PTPRD: variants seen among roughly 807,000 people sequenced by gnomAD.
PTPRD encodes the protein receptor-type tyrosine-protein phosphatase delta.
Under a neutral mutation model 214.5 loss-of-function variants are expected in PTPRD, and 34 were observed. The ratio of observed to expected loss-of-function variants is 0.16; its 90% CI spans 0.12 to 0.21. The LOEUF (loss-of-function observed/expected upper bound fraction) is 0.21, where lower values mean the gene tolerates loss of function less well. Among genes scored for constraint, PTPRD ranks in the 10% least tolerant of loss-of-function variants. PTPRD has a pLI of 1.00. For synonymous variants in PTPRD, 1,128 were observed against 845.7 expected (o/e 1.33, Z -5.79); for missense variants, 2,545 against 2,398.7 (o/e 1.06, Z -1.27).
intron 6 of PTPRD, among the ~76,000 whole-genome samples, chr9:9,743,303 C>A (rs535157332): frequency 6.6e-6 from 1 of 152,238 alleles, no homozygotes; most frequent in South Asian, 2.1e-4. Context: ...ACCAAAATGT[C>A]AAGAGTCTGT....
At chr9:10,534,480 G>A (rs1273984021) in intron 2 of PTPRD, among the ~76,000 whole-genome samples, 1 of 151,954 alleles carries the variant, frequency 6.6e-6, no homozygotes. Context: ...ATAATTGAAG[G>A]CAAAAGCAAT....
chr9:9,951,896 C>T (rs1254759560), intron 4 of PTPRD, among the ~76,000 whole-genome samples: 1 of 152,142 alleles, frequency 6.6e-6, no homozygotes, highest in Non-Finnish European at 1.5e-5. Context: ...TTTATTGATA[C>T]CCATCATTTA....
chr9:10,543,720 A>G (rs553321501), intron 2 of PTPRD, among the ~76,000 whole-genome samples: 2 of 152,236 alleles, frequency 1.3e-5, no homozygotes, highest in Admixed American at 6.5e-5. Flanking sequence ...GCCAAGGGAT[A>G]GAGATGGTTG....
chr9:8,422,163 A>G (rs1400238107), intron 35 of PTPRD, among the ~76,000 whole-genome samples: 1 of 150,950 alleles, frequency 6.6e-6, no homozygotes, highest in Non-Finnish European at 1.5e-5. Context: ...AAAAAAAAAA[A>G]AAAAAAAAAA....
chr9:10,478,661 G>A (rs2099078058), intron 2 of PTPRD, among the ~76,000 whole-genome samples: 2 of 151,802 alleles, frequency 1.3e-5, no homozygotes, highest in Non-Finnish European at 2.9e-5. Context: ...TACAATTTCT[G>A]CTGCTCATTT....
At position 8,525,052 on chromosome 9, in the gene PTPRD, T is replaced by C; in HGVS notation, c.569-17A>G. ...GAAGGGCTCCTGTATGGATATAAAATATATTGCCAAAGAGATGATCAGAGA... is the reference window on the plus strand; with the variant it reads ...GAAGGGCTCCTGTATGGATATAAAACATATTGCCAAAGAGATGATCAGAGA... On this transcript the variant is annotated splice_polypyrimidine_tract_variant and intron_variant, in intron 17 of 45. Transcript: ENST00000381196. 1.9e-6 allele frequency: 3 copies of C among 1,592,804 alleles called. No individual in the cohort carries two copies. The highest frequency in any genetic ancestry group is 2.6e-6 in the Non-Finnish European group (3 of 1,160,810).
intron 8 of PTPRD, among the ~76,000 whole-genome samples, chr9:9,510,318 T>C (rs900387832): frequency 1.8e-4 from 27 of 151,714 alleles, no homozygotes; most frequent in Non-Finnish European, 1.9e-4. Context: ...AGACACACTA[T>C]AAACTTTTAA....
chr9:8,466,781 C>T (rs1282439666), intron 31 of PTPRD, among the ~76,000 whole-genome samples: 2 of 151,722 alleles, frequency 1.3e-5, no homozygotes, highest in African/African-American at 4.8e-5. Context: ...CCTTGATAAA[C>T]AAAATTAAGA....
At chr9:9,919,324 G>T (rs1566312720) in intron 5 of PTPRD, among the ~76,000 whole-genome samples, 1 of 151,992 alleles carries the variant, frequency 6.6e-6, no homozygotes. Context: ...TTGGTGGCTT[G>T]GCCCAAACTT....
chr9:8,572,151 G>A (rs550979015), intron 14 of PTPRD, among the ~76,000 whole-genome samples: 1 of 152,198 alleles, frequency 6.6e-6, no homozygotes, highest in South Asian at 2.1e-4. Context: ...CAAGTTCTGA[G>A]TGTCAGTTAA....
chr9:10,491,955 C>T (rs1055185981), intron 2 of PTPRD, among the ~76,000 whole-genome samples: 2 of 152,136 alleles, frequency 1.3e-5, no homozygotes, highest in South Asian at 2.1e-4. Flanking sequence ...TGAGTGAGAA[C>T]ATGCAGTGTT....
intron 10 of PTPRD, among the ~76,000 whole-genome samples, chr9:9,069,597 C>T (rs2099740802): frequency 6.6e-6 from 1 of 152,190 alleles, no homozygotes; most frequent in African/African-American, 2.4e-5. Context: ...TTGAGGCCTT[C>T]AAGCCAGCAA....
intron 8 of PTPRD, among the ~76,000 whole-genome samples, chr9:9,514,691 T>G (rs1158212221): frequency 6.6e-6 from 1 of 152,072 alleles, no homozygotes; most frequent in Non-Finnish European, 1.5e-5. Flanking sequence ...ACATCCTAAG[T>G]TTAAAAATGA....
rs1261788723 is a variant in PTPRD at position 10,511,850 on chromosome 9, A to ATC, written c.-600+100546_-600+100547dup. On this transcript the variant is annotated intron_variant, in intron 2 of 45. Coordinates refer to ENST00000381196, the MANE Select transcript of PTPRD (RefSeq NM_002839.4). ...TATAAAACCATGGAACCATATACATATCTGTGTGTGTGTGTGTGTGTGTGT... is the reference window on the plus strand; with the variant it reads ...TATAAAACCATGGAACCATATACATATCTCTGTGTGTGTGTGTGTGTGTGTGT... 1.6e-4 allele frequency among the ~76,000 whole-genome samples: 16 copies of ATC among 97,720 alleles called. No individual in the cohort carries two copies. In the South Asian group the frequency reaches 1.8e-3, roughly 11 times the overall value. 64.1% of individuals were successfully genotyped at this position (97,720 alleles called of 152,430 possible). A position where few individuals can be genotyped will look rare whatever the true frequency, so the allele number is the denominator to read the frequency against.
At chr9:10,121,052 C>G (rs2098770947) in intron 3 of PTPRD, among the ~76,000 whole-genome samples, 1 of 151,802 alleles carries the variant, frequency 6.6e-6, no homozygotes, top group South Asian at 2.1e-4. Flanking sequence ...TGGTTTGTAC[C>G]AAAGTAGACA....
intron 10 of PTPRD, among the ~76,000 whole-genome samples, chr9:9,181,084 T>C (rs904457939): frequency 6.6e-6 from 1 of 152,102 alleles, no homozygotes; most frequent in African/African-American, 2.4e-5. Flanking sequence ...TCTAACTCTT[T>C]AGCTGTGAGA....
At chr9:9,305,434 T>C (rs1437184882) in intron 9 of PTPRD, among the ~76,000 whole-genome samples, 1 of 152,106 alleles carries the variant, frequency 6.6e-6, no homozygotes, top group East Asian at 1.9e-4. Flanking sequence ...ACAGATGTTA[T>C]TAAGGTAACC....
chr9:10,529,375 AATACTATTCAGCC>A (rs1348466198), intron 2 of PTPRD, among the ~76,000 whole-genome samples: 1 of 152,186 alleles, frequency 6.6e-6, no homozygotes, highest in Non-Finnish European at 1.5e-5. Context: ...TACACCATGG[AATACTATTCAGCC>A]ATAAAAAAGA....
At chr9:9,438,936 A>T (rs999831175) in intron 8 of PTPRD, among the ~76,000 whole-genome samples, 1 of 152,130 alleles carries the variant, frequency 6.6e-6, no homozygotes, top group Non-Finnish European at 1.5e-5. Flanking sequence ...TTTAAATTCA[A>T]CTTTATCATT....
Sources: allele counts gnomAD v4.1 joint callset (sites outside exome capture counted in the v4.1 genomes callset), GRCh38; gene constraint gnomAD v4.1.1; transcripts MANE v1.5; gene names NCBI Gene and HGNC (gene_info 2026-07-23, HGNC 2026-07-21).